Variants in RFC3 observed in about 807,000 individuals in gnomAD.
RFC3 encodes A1 38 kDa subunit.
In RFC3, 41 loss-of-function variants were observed where a neutral mutation model predicts 45.1. That is an observed-to-expected ratio of 0.91 (90% CI 0.71 to 1.18). The LOEUF is 1.18. Ranked by LOEUF, RFC3 falls within the 50% of genes most tolerant of loss-of-function variation. The pLI is 0.00. For synonymous variants in RFC3, 149 were observed against 144.0 expected, an observed-to-expected ratio of 1.03 and a Z score of -0.25; for missense variants, 423 against 428.1, an observed-to-expected ratio of 0.99 and a Z score of 0.10.
chr13:33,927,400 C>T (rs1415688841), intron 8 of RFC3, among the ~76,000 whole-genome samples: 1 of 152,034 alleles, frequency 6.6e-6, no homozygotes, highest in African/African-American at 2.4e-5. Flanking sequence ...CTTCCAGGAG[C>T]TGGTGAGCTC....
rs1566014987 is a variant in RFC3 at position 33,882,810 on chromosome 13, ATC to A, written c.879+47598_879+47599del. On this transcript the variant is annotated intron_variant, in intron 8 of 8. Coordinates refer to the RFC3 transcript ENST00000434425. ...CAATCCTGACCTTGAATGACCACTA[ATC>A]TCTCATCATTCTAATTGTGTCATTT... is the stretch of plus-strand genomic sequence containing the variant. Among the ~76,000 whole-genome samples, 4 of 152,260 alleles carry A rather than the reference ATC, an allele frequency of 2.6e-5. No individual in the cohort carries two copies. In the East Asian group the frequency reaches 5.8e-4, roughly 22 times the overall value.
chr13:33,831,335 A>G lies in RFC3; in HGVS notation c.790A>G (p.Ser264Gly), dbSNP rs771865600. The G allele has an allele frequency of 1.9e-6, 3 of 1,603,468 alleles. No individual in the cohort carries two copies. The highest frequency in any genetic ancestry group is 2.6e-6 in the Non-Finnish European group (3 of 1,170,364). Residue 264 changes from serine (S) to glycine (G), a missense_variant, in exon 7 of 9, where the codon AGT (serine) becomes GGT (glycine). By Grantham distance (56) the Ser-to-Gly change is moderately conservative. Transcript: ENST00000380071. ...YLRETANAIV[S>G]QQTPQRLLEV... ...GAGGGAGACTGCAAATGCTATTGTC[A>G]GTCAGCAAACTCCACAAAGGTACCA...
intron 8 of RFC3, among the ~76,000 whole-genome samples, chr13:33,872,471 C>T (rs1322587351): frequency 3.3e-5 from 5 of 152,204 alleles, no homozygotes; most frequent in Admixed American, 6.5e-5. Flanking sequence ...CGGTGGCTCA[C>T]GCCTGTAATC....
At chr13:33,969,011 C>A (rs1158163362), downstream of RFC3, among the ~76,000 whole-genome samples, 2 of 152,190 alleles carry the variant, frequency 1.3e-5, no homozygotes, top group Non-Finnish European at 2.9e-5. Flanking sequence ...AAATTTTCTT[C>A]ATTACTGCCA....
chr13:33,839,996 A>T (rs915621262), downstream of RFC3, among the ~76,000 whole-genome samples: 1 of 152,042 alleles, frequency 6.6e-6, no homozygotes, highest in Non-Finnish European at 1.5e-5. Flanking sequence ...TCATATTTTT[A>T]ATTTTATTTT....
chr13:33,863,515 T>C (rs1348691068), intron 8 of RFC3, among the ~76,000 whole-genome samples: 1 of 152,204 alleles, frequency 6.6e-6, no homozygotes, highest in African/African-American at 2.4e-5. Context: ...CACACCTGCA[T>C]CAGCTGAGCC....
At chr13:33,903,742 T>A (rs2082655534) in intron 8 of RFC3, among the ~76,000 whole-genome samples, 1 of 152,104 alleles carries the variant, frequency 6.6e-6, no homozygotes, top group Non-Finnish European at 1.5e-5. Context: ...TATTTCATTA[T>A]GTCACCTTTC....
chr13:33,942,026 G>C (rs1447360758), intron 8 of RFC3, among the ~76,000 whole-genome samples: 1 of 151,928 alleles, frequency 6.6e-6, no homozygotes, highest in East Asian at 1.9e-4. Context: ...CTGTTGAATT[G>C]TCAATTTTAG....
downstream of RFC3, among the ~76,000 whole-genome samples, chr13:33,838,105 A>G (rs918918912): frequency 6.6e-6 from 1 of 152,100 alleles, no homozygotes; most frequent in Non-Finnish European, 1.5e-5. Context: ...TGTCTAATTC[A>G]GTTCTTTTGG....
downstream of RFC3, among the ~76,000 whole-genome samples, chr13:33,839,523 T>C (rs2082182098): frequency 6.6e-6 from 1 of 152,246 alleles, no homozygotes; most frequent in African/African-American, 2.4e-5. Flanking sequence ...CTGCAGCTGA[T>C]AAGTTTTGAA....
chr13:33,973,873 A>C, the RFC3 span, among the ~76,000 whole-genome samples: 1 of 151,506 alleles, frequency 6.6e-6, no homozygotes, highest in Non-Finnish European at 1.5e-5. Context: ...CTGGTCTGCA[A>C]CTCCTGACAT....
At chr13:33,896,711 C>CAAAAAA (rs56129519) in intron 8 of RFC3, among the ~76,000 whole-genome samples, 2 of 42,114 alleles carry the variant, frequency 4.7e-5, no homozygotes, top group East Asian at 7.4e-4. Context: ...GACTTTGTCT[C>CAAAAAA]AAAAAAAAAA....
intron 7 of RFC3, among the ~76,000 whole-genome samples, chr13:33,834,010 T>C (rs1018322069): frequency 6.6e-6 from 1 of 152,144 alleles, no homozygotes; most frequent in African/African-American, 2.4e-5. Flanking sequence ...TGTTAAATCA[T>C]GCTTTGCTGT....
chr13:33,915,351 A>C (rs930614146), intron 8 of RFC3, among the ~76,000 whole-genome samples: 5 of 152,158 alleles, frequency 3.3e-5, no homozygotes, highest in Admixed American at 3.3e-4. Flanking sequence ...CCAACTGTAC[A>C]TATGTGTATA....
intron 8 of RFC3, among the ~76,000 whole-genome samples, chr13:33,901,088 C>T (rs944898542): frequency 2.6e-5 from 4 of 151,724 alleles, no homozygotes; most frequent in African/African-American, 9.7e-5. Context: ...TATACGCTGC[C>T]GGTGGAAATG....
intron 8 of RFC3, among the ~76,000 whole-genome samples, chr13:33,955,986 ATTC>A (rs1362803091): frequency 6.6e-6 from 1 of 152,252 alleles, no homozygotes; most frequent in Non-Finnish European, 1.5e-5. Context: ...AAATTATAGC[ATTC>A]TTCAAATAGA....
chr13:33,859,732 C>A (rs777315056), intron 8 of RFC3, among the ~76,000 whole-genome samples: 15 of 152,128 alleles, frequency 9.9e-5, no homozygotes, highest in South Asian at 2.1e-4. Flanking sequence ...AAGTTGCCAT[C>A]CCATACGTAA....
intron 8 of RFC3, among the ~76,000 whole-genome samples, chr13:33,883,037 C>T (rs558540925): frequency 6.6e-6 from 1 of 152,296 alleles, no homozygotes; most frequent in African/African-American, 2.4e-5. Context: ...TGAGTTACTT[C>T]TAACTTTTGG....
At chr13:33,887,322 C>A (rs1182680123) in intron 8 of RFC3, among the ~76,000 whole-genome samples, 1 of 151,424 alleles carries the variant, frequency 6.6e-6, no homozygotes, top group Non-Finnish European at 1.5e-5. Flanking sequence ...TTAATGATTG[C>A]CATTCTAACA....
Sources: allele counts gnomAD v4.1 joint callset (sites outside exome capture counted in the v4.1 genomes callset), GRCh38; gene constraint gnomAD v4.1.1; transcripts MANE v1.5; gene names NCBI Gene and HGNC (gene_info 2026-07-23, HGNC 2026-07-21).